Variants in NKAIN2 observed in about 807,000 individuals in gnomAD.
NKAIN2 encodes sodium/potassium transporting ATPase interacting 2.
In NKAIN2, 14 loss-of-function variants were observed where a neutral mutation model predicts 32.6. The observed-to-expected ratio is 0.43, with a 90% CI of 0.28 to 0.67. The LOEUF (loss-of-function observed/expected upper bound fraction) is 0.67. Among genes scored for constraint, NKAIN2 ranks in the 30% least tolerant of loss-of-function variants. The probability of loss-of-function intolerance (pLI) is 0.17; values close to 1 mark genes in which losing one functional copy is unlikely to be tolerated. For synonymous variants in NKAIN2, 80 were observed against 87.2 expected (o/e 0.92, Z 0.46); for missense variants, 198 against 258.3 (o/e 0.77, Z 1.60).
At chr6:124,496,055 A>G (rs1778052167) in intron 3 of NKAIN2, among the ~76,000 whole-genome samples, 1 of 152,106 alleles carries the variant, frequency 6.6e-6, no homozygotes, top group African/African-American at 2.4e-5. Flanking sequence ...TCTTTTTGGC[A>G]TTTCCTTTTT....
rs1373151915 is a variant in NKAIN2, at chr6:123,909,696, G to T, written c.54+105442G>T. 2.0e-5 allele frequency among the ~76,000 whole-genome samples: 3 copies of T among 152,044 alleles called. No homozygotes were observed. In the East Asian group the frequency reaches 5.8e-4, roughly 29 times the overall value. ...TGTCTGGCCACCCAGACCTAATCTA[G>T]GGCCTCTTTATGTGTTCCACTGGAA... On this transcript the variant is annotated intron_variant, in intron 1 of 6. Coordinates refer to ENST00000368417, the MANE Select transcript of NKAIN2 (RefSeq NM_001040214.3).
intron 1 of NKAIN2, among the ~76,000 whole-genome samples, chr6:124,173,807 C>A (rs905657002): frequency 1.3e-5 from 2 of 151,990 alleles, no homozygotes; most frequent in Non-Finnish European, 2.9e-5. Context: ...GTAGAGCAAG[C>A]AATATTAGAT....
At chr6:124,791,274 C>G (rs1779730259) in intron 4 of NKAIN2, 65 bp from the exon 5 acceptor site, 9 of 1,238,230 alleles carry the variant, frequency 7.3e-6, no homozygotes, top group Non-Finnish European at 1.1e-5. Context: ...TGAAAAGCCA[C>G]TCTCCAGTGA....
chr6:124,281,737 G>T (rs978496087), intron 1 of NKAIN2, among the ~76,000 whole-genome samples: 2 of 152,250 alleles, frequency 1.3e-5, no homozygotes, highest in East Asian at 3.9e-4. Flanking sequence ...ATGGGAAAAC[G>T]TGCTACTCAG....
At chr6:124,079,403 G>C (rs1562345813) in intron 1 of NKAIN2, among the ~76,000 whole-genome samples, 1 of 152,144 alleles carries the variant, frequency 6.6e-6, no homozygotes, top group Non-Finnish European at 1.5e-5. Flanking sequence ...AGATTATTCA[G>C]TGTGGGGTTG....
In NKAIN2 at chr6:124,308,567, A is replaced by G. The variant is rs531691536; in HGVS notation, c.192+25425A>G. 3.3e-5 allele frequency among the ~76,000 whole-genome samples: 5 copies of G among 152,298 alleles called. No homozygotes were observed. In the East Asian group the frequency reaches 9.6e-4, roughly 29 times the overall value. On this transcript the variant is annotated intron_variant, in intron 2 of 6. Coordinates refer to ENST00000368417, the MANE Select transcript of NKAIN2 (RefSeq NM_001040214.3). ...GTTTTGTTTTGTTTTTCTTAACAGT[A>G]AAGATTGAAGTAAAAGATGAAGGCT...
At chr6:123,897,990 C>T (rs1324938381) in intron 1 of NKAIN2, among the ~76,000 whole-genome samples, 1 of 152,182 alleles carries the variant, frequency 6.6e-6, no homozygotes, top group African/African-American at 2.4e-5. Context: ...AATATCCTCA[C>T]TTTTATCAAT....
At chr6:124,072,430 A>C (rs944503350) in intron 1 of NKAIN2, among the ~76,000 whole-genome samples, 3 of 152,156 alleles carry the variant, frequency 2.0e-5, no homozygotes, top group Admixed American at 1.3e-4. Context: ...CCTGTGTAAC[A>C]AACCTGCACG....
At chr6:124,682,777 CTATAAAA>C (rs1773683770) in intron 4 of NKAIN2, among the ~76,000 whole-genome samples, 1 of 152,116 alleles carries the variant, frequency 6.6e-6, no homozygotes, top group Non-Finnish European at 1.5e-5. Flanking sequence ...ATTATAAACT[CTATAAAA>C]CAACGTCTTT....
At chr6:123,804,320 C>T (rs377124203) in intron 1 of NKAIN2, 66 bp downstream of exon 1, 20 of 1,331,080 alleles carry the variant, frequency 1.5e-5, no homozygotes, top group African/African-American at 2.9e-5. Context: ...GGGAGTGCAG[C>T]AAAGGGTCTG....
intron 3 of NKAIN2, among the ~76,000 whole-genome samples, chr6:124,549,707 G>T (rs1583424394): frequency 6.6e-6 from 1 of 152,176 alleles, no homozygotes; most frequent in East Asian, 1.9e-4. Flanking sequence ...AACGTTTGAA[G>T]AATACAAGTC....
At position 124,438,023 on chromosome 6, in the gene NKAIN2, A is replaced by T. The variant is rs559671112; in HGVS notation, c.273+82676A>T. ...GGATATAGCAAGAAAGCCCATTGGC[A>T]TCATATTAAATGAGTGCATTTAGAC... is the stretch of plus-strand genomic sequence containing the variant. On this transcript the variant is annotated intron_variant, in intron 3 of 6. Transcript: ENST00000368417. The T allele has an allele frequency of 8.1e-6, 3 of 368,112 alleles. No individual in the cohort carries two copies. In the East Asian group the frequency reaches 2.3e-4, roughly 28 times the overall value. 22.8% of individuals were successfully genotyped at this position (368,112 alleles called of 1,614,324 possible).
intron 3 of NKAIN2, among the ~76,000 whole-genome samples, chr6:124,604,012 T>C (rs1220253766): frequency 6.6e-6 from 1 of 152,044 alleles, no homozygotes; most frequent in African/African-American, 2.4e-5. Flanking sequence ...ATTATAGCTT[T>C]GAGAGTATAA....
chr6:124,759,588 A>AACACACACAC (rs542448143), intron 4 of NKAIN2, among the ~76,000 whole-genome samples: 27 of 84,540 alleles, frequency 3.2e-4, no homozygotes, highest in African/African-American at 1.2e-3. Flanking sequence ...CTGAAATTGC[A>AACACACACAC]ACACACACAC....
rs143211171 is a variant in NKAIN2 at position 124,260,058 on chromosome 6, G to A, written c.55-22947G>A. On this transcript the variant is annotated intron_variant, in intron 1 of 6. Transcript: ENST00000368417. ...AGCTAGTTAGAATTAGAACTGCATC[G>A]ATAAATCACTCTAATAACAAGCAAG... Among the ~76,000 whole-genome samples, 291 of 152,200 alleles carry A rather than the reference G, an allele frequency of 1.9e-3. 1 individual carries two copies. Among genetic ancestry groups the A allele is most frequent in the African/African-American group, 6.0e-3 (249 of 41,536 alleles).
chr6:124,168,371 G>T (rs531557569), intron 1 of NKAIN2, among the ~76,000 whole-genome samples: 1 of 152,106 alleles, frequency 6.6e-6, no homozygotes, highest in South Asian at 2.1e-4. Flanking sequence ...TTTAATGATG[G>T]TTCAGAATTA....
Position 124,626,896 on chromosome 6 carries a change from G to A in NKAIN2, c.274-31290G>A, listed in dbSNP as rs147829736. On this transcript the variant is annotated intron_variant, in intron 3 of 6. Transcript: ENST00000368417. Reference sequence around the variant, plus strand: ...AGGAGAATGAAGCCCCTTTTTTGCCGTGTTATGTGAAGATTTTTAAATTTG... The same window carrying A: ...AGGAGAATGAAGCCCCTTTTTTGCCATGTTATGTGAAGATTTTTAAATTTG... Among the ~76,000 whole-genome samples, 317 of 152,140 alleles carry A rather than the reference G, an allele frequency of 2.1e-3. 1 individual carries two copies. The highest frequency in any genetic ancestry group is 3.7e-3 in the Admixed American group (56 of 15,272).
intron 3 of NKAIN2, among the ~76,000 whole-genome samples, chr6:124,532,730 C>T (rs1453707333): frequency 6.6e-6 from 1 of 152,164 alleles, no homozygotes; most frequent in African/African-American, 2.4e-5. Context: ...GCAGCCAAAC[C>T]TTTCCTGTAA....
chr6:124,462,477 C>T (rs1776571823), intron 3 of NKAIN2, among the ~76,000 whole-genome samples: 1 of 151,848 alleles, frequency 6.6e-6, no homozygotes, highest in African/African-American at 2.4e-5. Flanking sequence ...ATACAAAGAT[C>T]ACAATTTTAA....
Sources: allele counts gnomAD v4.1 joint callset (sites outside exome capture counted in the v4.1 genomes callset), GRCh38; gene constraint gnomAD v4.1.1; transcripts MANE v1.5; gene names NCBI Gene and HGNC (gene_info 2026-07-23, HGNC 2026-07-21).